The following WWOX variants were observed in gnomAD, a reference collection of about 807,000 sequenced individuals.
WWOX encodes WW domain containing oxidoreductase, also known as WW domain-containing oxidoreductase.
Under a neutral mutation model 46.2 loss-of-function variants are expected in WWOX, and 69 were observed. That is an observed-to-expected ratio of 1.49 (90% CI 1.23 to 1.82). WWOX has a LOEUF of 1.82. WWOX is among the 40% of genes most tolerant of loss of function. The pLI, the probability that WWOX is intolerant of heterozygous loss-of-function variation, is 0.00. For synonymous variants in WWOX, 359 were observed against 202.6 expected (o/e 1.77, Z -6.56); for missense variants, 919 against 542.6 (o/e 1.69, Z -6.89).
chr16:78,987,067 G>A (rs1000325981), intron 8 of WWOX, among the ~76,000 whole-genome samples: 1 of 152,146 alleles, frequency 6.6e-6, no homozygotes, highest in African/African-American at 2.4e-5. Context: ...ACAGCGCCAT[G>A]GTTATTTAAG....
At chr16:78,996,476 G>T (rs767564897) in intron 8 of WWOX, 2 of 256,964 alleles carry the variant, frequency 7.8e-6, no homozygotes, top group Non-Finnish European at 1.2e-5. Flanking sequence ...GGACCCATGG[G>T]TATGCATTCA....
intron 8 of WWOX, among the ~76,000 whole-genome samples, chr16:79,187,870 A>T (rs2051050248): frequency 6.6e-6 from 1 of 152,208 alleles, no homozygotes; most frequent in African/African-American, 2.4e-5. Context: ...TTGAGAAGAG[A>T]AAGAAAGAAT....
intron 8 of WWOX, among the ~76,000 whole-genome samples, chr16:78,750,891 C>T (rs1398225208): frequency 1.3e-5 from 2 of 152,062 alleles, no homozygotes; most frequent in Non-Finnish European, 2.9e-5. Flanking sequence ...AACTAATCCA[C>T]CATTGATGGG....
intron 4 of WWOX, among the ~76,000 whole-genome samples, chr16:78,150,546 GT>G (rs1357539597): frequency 3.3e-5 from 5 of 151,984 alleles, no homozygotes; most frequent in Non-Finnish European, 7.4e-5. Context: ...GCCTGGCTAA[GT>G]TTTTTTGTTT....
intron 8 of WWOX, among the ~76,000 whole-genome samples, chr16:78,670,242 TGCCA>T (rs1178396159): frequency 1.3e-5 from 2 of 152,174 alleles, no homozygotes; most frequent in Non-Finnish European, 2.9e-5. Flanking sequence ...GTGTGTTGAA[TGCCA>T]GCCACTCTTC....
rs558693325 is a variant in WWOX at position 78,898,610 on chromosome 16, C to A, written c.1057-312998C>A. The A allele has an allele frequency of 5.9e-5, 9 of 152,196 alleles. No individual in the cohort carries two copies. The South Asian group carries it at 1.5e-3, about 25-fold the overall frequency. 9.4% of individuals were successfully genotyped at this position (152,196 alleles called of 1,614,324 possible). On this transcript the variant is annotated intron_variant, in intron 8 of 8. Transcript: ENST00000566780. ...GGTTAGTTTAGATACTTTCCTTTTA[C>A]ATATATATTTCCTGATCAGCTTCTC...
At chr16:78,859,236 A>G (rs1050631275) in intron 8 of WWOX, among the ~76,000 whole-genome samples, 1 of 151,622 alleles carries the variant, frequency 6.6e-6, no homozygotes, top group African/African-American at 2.4e-5. Context: ...TTTGTTTCCC[A>G]GCATAAAGCT....
chr16:78,817,457 C>G (rs538177449), intron 8 of WWOX, among the ~76,000 whole-genome samples: 1 of 152,134 alleles, frequency 6.6e-6, no homozygotes. Context: ...AAAGATCTAT[C>G]GGAAGAGTTG....
intron 8 of WWOX, among the ~76,000 whole-genome samples, chr16:79,038,970 A>T (rs1322008641): frequency 6.6e-6 from 1 of 152,124 alleles, no homozygotes; most frequent in East Asian, 1.9e-4. Context: ...CCCTAGGATC[A>T]TTTTTTTCAA....
chr16:78,566,397 G>C (rs916314315), intron 8 of WWOX, among the ~76,000 whole-genome samples: 2 of 152,294 alleles, frequency 1.3e-5, no homozygotes, highest in Admixed American at 6.5e-5. Context: ...CATGGTATCA[G>C]AACCAGGAGA....
Position 78,472,941 on chromosome 16 carries a change from G to A in WWOX, c.1056+40189G>A, listed in dbSNP as rs552221199. Among the ~76,000 whole-genome samples the A allele has an allele frequency of 7.9e-5, 12 of 152,064 alleles. No homozygotes were observed. The East Asian group carries it at 2.1e-3, about 27-fold the overall frequency. ...AGTCTGTGGTTTAGCACGGGAAAAA[G>A]CAAACTAGGGCCCTTGGGCCAAATC... is the stretch of plus-strand genomic sequence containing the variant. On this transcript the variant is annotated intron_variant, in intron 8 of 8. Transcript: ENST00000566780.
At chr16:78,849,070 T>C (rs1440881766) in intron 8 of WWOX, among the ~76,000 whole-genome samples, 2 of 152,164 alleles carry the variant, frequency 1.3e-5, no homozygotes, top group Non-Finnish European at 2.9e-5. Flanking sequence ...TTGACAATCT[T>C]GCCACAGCTC....
chr16:78,851,348 G>C (rs1254973636), intron 8 of WWOX, among the ~76,000 whole-genome samples: 1 of 152,194 alleles, frequency 6.6e-6, no homozygotes, highest in Non-Finnish European at 1.5e-5. Flanking sequence ...GAGAGGATGA[G>C]AATTTTCTTA....
intron 8 of WWOX, among the ~76,000 whole-genome samples, chr16:78,635,405 C>G (rs910459758): frequency 5.9e-5 from 9 of 152,056 alleles, no homozygotes; most frequent in African/African-American, 2.2e-4. Context: ...CTGGGAGGAA[C>G]TAGGGGAGCG....
intron 8 of WWOX, among the ~76,000 whole-genome samples, chr16:78,801,285 A>G (rs1401202063): frequency 6.6e-6 from 1 of 152,132 alleles, no homozygotes; most frequent in African/African-American, 2.4e-5. Context: ...CAACGCAGGT[A>G]GATCCCCTGA....
intron 8 of WWOX, among the ~76,000 whole-genome samples, chr16:78,632,944 T>C (rs531509219): frequency 6.6e-6 from 1 of 152,034 alleles, no homozygotes; most frequent in Non-Finnish European, 1.5e-5. Flanking sequence ...GGATCCAACA[T>C]TTATTATCCC....
chr16:78,758,937 CAAAAAAAA>C (rs56184923), intron 8 of WWOX, among the ~76,000 whole-genome samples: 12 of 90,158 alleles, frequency 1.3e-4, no homozygotes, highest in Non-Finnish European at 3.1e-4. Context: ...CCACAAAAGA[CAAAAAAAA>C]AAAAAACAAA....
At chr16:78,482,490 T>A (rs1425095432) in intron 8 of WWOX, among the ~76,000 whole-genome samples, 1 of 152,212 alleles carries the variant, frequency 6.6e-6, no homozygotes, top group South Asian at 2.1e-4. Context: ...CCGAAAGTGC[T>A]GGGATGACAG....
chr16:78,934,268 G>T (rs369344537), intron 8 of WWOX, among the ~76,000 whole-genome samples: 16 of 148,766 alleles, frequency 1.1e-4, no homozygotes, highest in African/African-American at 4.0e-4. Flanking sequence ...AACCCAGGAG[G>T]CGGATCTTGC....
Sources: allele counts gnomAD v4.1 joint callset (sites outside exome capture counted in the v4.1 genomes callset), GRCh38; gene constraint gnomAD v4.1.1; transcripts MANE v1.5; gene names NCBI Gene and HGNC (gene_info 2026-07-23, HGNC 2026-07-21).